ACSM2B: variants seen among roughly 807,000 people sequenced by gnomAD.
ACSM2B encodes acyl-CoA synthetase medium chain family member 2B.
ACSM2B carries 58 observed loss-of-function variants against 78.6 expected under a neutral mutation model. The ratio of observed to expected loss-of-function variants is 0.74; its 90% CI spans 0.60 to 0.92. The LOEUF (loss-of-function observed/expected upper bound fraction) is 0.92. ACSM2B is among the 40% of genes least tolerant of loss of function. The pLI is 0.00. For missense variants in ACSM2B, 688 were observed against 711.2 expected, an observed-to-expected ratio of 0.97 and a Z score of 0.37; for synonymous variants, 257 against 256.8, an observed-to-expected ratio of 1.00 and a Z score of -0.01.
At chr16:20,568,876 G>A (rs748868098) in intron 1 of ACSM2B, among the ~76,000 whole-genome samples, 6 of 151,394 alleles carry the variant, frequency 4.0e-5, no homozygotes, top group South Asian at 4.2e-4. Flanking sequence ...TTGTCTATTC[G>A]TATCCTTAGC....
At chr16:20,568,282 G>T (rs1167837834) in intron 1 of ACSM2B, among the ~76,000 whole-genome samples, 1 of 142,068 alleles carries the variant, frequency 7.0e-6, no homozygotes, top group Non-Finnish European at 1.5e-5. Context: ...AGTATATATA[G>T]ATATATATAA....
At chr16:20,566,031 T>C (rs992327274) in intron 1 of ACSM2B, among the ~76,000 whole-genome samples, 10 of 149,698 alleles carry the variant, frequency 6.7e-5, no homozygotes, top group African/African-American at 2.4e-4. Flanking sequence ...TATTTCATTA[T>C]ATATACATAT....
chr16:20,566,962 T>C (rs1235251227), intron 1 of ACSM2B, among the ~76,000 whole-genome samples: 1 of 121,400 alleles, frequency 8.2e-6, no homozygotes, highest in Non-Finnish European at 1.6e-5. Context: ...ATATATATTA[T>C]ATATTATATA....
intron 13 of ACSM2B, among the ~76,000 whole-genome samples, chr16:20,540,050 C>A (rs1025021829): frequency 6.6e-6 from 1 of 152,156 alleles, no homozygotes; most frequent in African/African-American, 2.4e-5. Context: ...TAGCAAGAAC[C>A]CAGTGCAGAG....
At chr16:20,542,306 C>T (rs991158402) in intron 12 of ACSM2B, 1 of 146,658 alleles carries the variant, frequency 6.8e-6, no homozygotes, top group African/African-American at 2.6e-5. Flanking sequence ...CTCTTTATCT[C>T]CATGAGATCA....
intron 13 of ACSM2B, among the ~76,000 whole-genome samples, 167 bp downstream of exon 13, chr16:20,540,487 C>T (rs958031882): frequency 7.2e-5 from 11 of 152,282 alleles, no homozygotes; most frequent in African/African-American, 2.2e-4. Context: ...AGGTGATCCA[C>T]CCGCCTTGGC....
At chr16:20,546,768 A>G in intron 8 of ACSM2B, 2 of 320,278 alleles carry the variant, frequency 6.2e-6, no homozygotes, top group Non-Finnish European at 1.1e-5. Context: ...GACGCTATGG[A>G]TACCCAAAGC....
intron 3 of ACSM2B, among the ~76,000 whole-genome samples, chr16:20,556,354 C>T (rs896141581): frequency 6.6e-6 from 1 of 152,194 alleles, no homozygotes; most frequent in African/African-American, 2.4e-5. Flanking sequence ...GTAATCCTGG[C>T]ACTTTTGGAG....
intron 9 of ACSM2B, 114 bp from the exon 10 acceptor site, chr16:20,545,372 G>T: frequency 1.6e-6 from 2 of 1,263,684 alleles, no homozygotes; most frequent in Non-Finnish European, 1.1e-6. Flanking sequence ...AGTGGAGACT[G>T]AAAACGACAA....
At chr16:20,567,493 A>AATATATAAAT (rs1555459523) in intron 1 of ACSM2B, among the ~76,000 whole-genome samples, 1 of 117,950 alleles carries the variant, frequency 8.5e-6, no homozygotes, top group Non-Finnish European at 1.6e-5. Flanking sequence ...ATATATAAAT[A>AATATATAAAT]ATATATAAAA....
chr16:20,568,790 GT>G (rs1267228998), intron 1 of ACSM2B, among the ~76,000 whole-genome samples: 3 of 151,744 alleles, frequency 2.0e-5, no homozygotes, highest in Non-Finnish European at 4.4e-5. Flanking sequence ...TAGCATTGTG[GT>G]TTTGATTTGC....
chr16:20,557,212 A>C (rs2015501794), intron 3 of ACSM2B, among the ~76,000 whole-genome samples: 1 of 144,068 alleles, frequency 6.9e-6, no homozygotes, highest in Non-Finnish European at 1.5e-5. Context: ...CCAACTTGTT[A>C]TCACTTCTTG....
chr16:20,559,141 G>A, intron 3 of ACSM2B, 96 bp downstream of exon 3: 1 of 1,489,374 alleles, frequency 6.7e-7, no homozygotes, highest in South Asian at 1.4e-5. Flanking sequence ...CATGCTCCAA[G>A]GCAGAGACTT....
At chr16:20,562,898 C>G (rs1022196278) in intron 2 of ACSM2B, among the ~76,000 whole-genome samples, 19 of 152,252 alleles carry the variant, frequency 1.2e-4, no homozygotes, top group African/African-American at 4.6e-4. Flanking sequence ...CTACCTAGAC[C>G]TATGATTCTA....
chr16:20,553,711 T>A (rs1188261645), intron 5 of ACSM2B, 66 bp downstream of exon 5: 6 of 1,574,772 alleles, frequency 3.8e-6, no homozygotes, highest in Non-Finnish European at 5.2e-6. Context: ...AGCATTGGAT[T>A]TGAACTCAGA....
rs2015070067 is a variant in ACSM2B at position 20,544,016 on chromosome 16, TTGAC to T, written c.1282-758_1282-755del. ...GAAGCCAGGGTTCTTGGCTACTGGA[TTGAC>T]TTTCTCATGGGCATCATGGAGCCTC... On this transcript the variant is annotated intron_variant, in intron 10 of 13. Transcript: ENST00000329697. Among the ~76,000 whole-genome samples the T allele has an allele frequency of 2.0e-5, 3 of 152,338 alleles. No homozygotes were observed. The South Asian group carries it at 6.2e-4, about 32-fold the overall frequency.
At chr16:20,545,468 A>T (rs565857603) in intron 9 of ACSM2B, among the ~76,000 whole-genome samples, 1 of 152,256 alleles carries the variant, frequency 6.6e-6, no homozygotes, top group East Asian at 1.9e-4. Context: ...TTTTATTGAG[A>T]CTGGCCCAGA....
intron 2 of ACSM2B, among the ~76,000 whole-genome samples, chr16:20,562,299 G>C: frequency 6.6e-6 from 1 of 152,044 alleles, no homozygotes; most frequent in Non-Finnish European, 1.5e-5. Context: ...CATATCCCCT[G>C]AAAGAGTCTC....
At chr16:20,548,941 C>A (rs1338842754) in intron 6 of ACSM2B, among the ~76,000 whole-genome samples, 2 of 152,168 alleles carry the variant, frequency 1.3e-5, no homozygotes, top group Non-Finnish European at 2.9e-5. Context: ...TATAAAAGTT[C>A]TTTGAAAAGC....
Sources: allele counts gnomAD v4.1 joint callset (sites outside exome capture counted in the v4.1 genomes callset), GRCh38; gene constraint gnomAD v4.1.1; transcripts MANE v1.5; gene names NCBI Gene and HGNC (gene_info 2026-07-23, HGNC 2026-07-21).